GABRQ: variants seen among roughly 807,000 people sequenced by gnomAD.
The protein encoded by GABRQ is gamma-aminobutyric acid receptor subunit theta.
A neutral mutation model predicts 30.5 loss-of-function variants in GABRQ; 19 were observed. That is an observed-to-expected ratio of 0.62 (90% confidence interval 0.43 to 0.91). GABRQ has a LOEUF of 0.91. Ranked by LOEUF, GABRQ falls within the 40% of genes least tolerant of loss-of-function variation. GABRQ has a pLI of 0.00. For missense variants in GABRQ, 520 were observed against 521.4 expected (o/e 1.00, Z 0.03); for synonymous variants, 187 against 210.2 (o/e 0.89, Z 0.95).
Position 152,657,304 on chromosome X carries a change from A to G in GABRQ, c.*4023A>G. 1 of 111,752 alleles carries G rather than the reference A, an allele frequency of 8.9e-6. No homozygotes were observed. The highest frequency in any genetic ancestry group is 1.9e-5 in the Non-Finnish European group (1 of 53,166). 9.2% of individuals were successfully genotyped at this position (111,752 alleles called of 1,213,427 possible). A position where few individuals can be genotyped will look rare whatever the true frequency, so the allele number is the denominator to read the frequency against. On this transcript the variant is annotated 3_prime_UTR_variant, in exon 9 of 9. Coordinates refer to ENST00000598523, the MANE Select transcript of GABRQ (RefSeq NM_018558.4). Reference sequence around the variant, plus strand: ...AAAGAGGAGAAAGACCAAGACCTGGATGTCCTGGACGACCTGACCCAAAAA... The same window carrying G: ...AAAGAGGAGAAAGACCAAGACCTGGGTGTCCTGGACGACCTGACCCAAAAA...
At chrX:152,640,094 G>C (rs1163576561) in intron 1 of GABRQ, among the ~76,000 whole-genome samples, 1 of 110,551 alleles carries the variant, frequency 9.0e-6, no homozygotes, top group Non-Finnish European at 1.9e-5. Context: ...GCCTCCTCTC[G>C]TCAACCCCTA....
intron 2 of GABRQ, among the ~76,000 whole-genome samples, 174 bp from the exon 3 acceptor site, chrX:152,645,353 C>T (rs1429446102): frequency 1.8e-5 from 2 of 112,201 alleles, no homozygotes; most frequent in East Asian, 5.6e-4. Flanking sequence ...AGTGCTATCA[C>T]TATCCCCATT....
At chrX:152,651,404 A>G in intron 7 of GABRQ, 122 bp from the exon 8 acceptor site, 2 of 525,732 alleles carry the variant, frequency 3.8e-6, no homozygotes, top group Non-Finnish European at 6.5e-6. Flanking sequence ...AGGAATAAAG[A>G]GAGAGCCGAA....
At chrX:152,644,271 TAC>T (rs782585834) in intron 2 of GABRQ, among the ~76,000 whole-genome samples, 1 of 111,928 alleles carries the variant, frequency 8.9e-6, no homozygotes, top group African/African-American at 3.2e-5. Flanking sequence ...TGCTCACACA[TAC>T]ACACATAAAC....
downstream of GABRQ, chrX:152,657,583 T>G (rs1244716035): frequency 1.8e-5 from 2 of 112,038 alleles, no homozygotes; most frequent in Non-Finnish European, 3.8e-5. Context: ...TAGAAGATAT[T>G]GAGCAGGACA....
At chrX:152,646,481 C>T (rs1930889160) in intron 3 of GABRQ, among the ~76,000 whole-genome samples, 2 of 112,349 alleles carry the variant, frequency 1.8e-5, no homozygotes, top group South Asian at 7.3e-4. Flanking sequence ...TACACATGTC[C>T]ACCTGAGTGA....
intron 7 of GABRQ, 73 bp from the exon 8 acceptor site, chrX:152,651,453 G>A (rs1931017341): frequency 5.4e-6 from 5 of 919,216 alleles, no homozygotes; most frequent in Middle Eastern, 5.6e-4. Context: ...AAATATGTTT[G>A]GGTGGGGGCC....
intron 2 of GABRQ, among the ~76,000 whole-genome samples, chrX:152,644,656 A>T (rs1680732863): frequency 8.9e-6 from 1 of 111,846 alleles, no homozygotes; most frequent in Non-Finnish European, 1.9e-5. Flanking sequence ...TCACAAATCC[A>T]CTAACACATG....
chrX:152,641,379 G>A (rs782700994), intron 2 of GABRQ, among the ~76,000 whole-genome samples: 1 of 113,172 alleles, frequency 8.8e-6, no homozygotes, highest in East Asian at 2.8e-4. Context: ...CCACTCCAAA[G>A]GGTTAATGAA....
At chrX:152,642,715 T>C (rs1930788027) in intron 2 of GABRQ, among the ~76,000 whole-genome samples, 1 of 112,062 alleles carries the variant, frequency 8.9e-6, no homozygotes, top group Admixed American at 9.3e-5. Flanking sequence ...TTTGCCTGCC[T>C]TCCTGAGGGG....
chrX:152,651,593 C>T lies in GABRQ; in HGVS notation c.969C>T (p.Ser323=), dbSNP rs36080281. ...TGCGGGATAAGCTCCCCAACATTTC[C>T]TGTATCAAGGCCATTGATATCTATA... is the stretch of plus-strand genomic sequence containing the variant. The part of the protein sequence containing the change: ...SHLRDKLPNI[S]CIKAIDIYIL... Residue 323 remains serine (S), a synonymous_variant, in exon 8 of 9, where the codon TCC becomes TCT. Coordinates refer to ENST00000598523, the MANE Select transcript of GABRQ (RefSeq NM_018558.4). The T allele has an allele frequency of 5.8e-3, 6,959 of 1,204,563 alleles. 262 individuals carry two copies. The African/African-American group carries it at 0.1, about 18-fold the overall frequency.
chrX:152,641,932 A>G (rs1602815331), intron 2 of GABRQ, among the ~76,000 whole-genome samples: 1 of 111,770 alleles, frequency 8.9e-6, no homozygotes, highest in East Asian at 2.8e-4. Flanking sequence ...GAGTACACCA[A>G]TCACCTTCTC....
chrX:152,651,523 C>T lies in GABRQ; in HGVS notation c.902-3C>T. The stretch of plus-strand genomic sequence containing the variant: ...GACTAAGTCTGTACTGTGTTGCTTA[C>T]AGGCTTAACTTCAATGCTCATCCTG... On this transcript the variant is annotated splice_polypyrimidine_tract_variant and splice_region_variant and intron_variant, in intron 7 of 8. Coordinates refer to ENST00000598523, the MANE Select transcript of GABRQ (RefSeq NM_018558.4). 1 of 1,207,140 alleles carries T rather than the reference C, an allele frequency of 8.3e-7. No homozygotes were observed. The highest frequency in any genetic ancestry group is 1.1e-6 in the Non-Finnish European group (1 of 891,222).
In GABRQ at chrX:152,640,376, A is replaced by G. The variant is rs1556818189; in HGVS notation, c.150-2A>G. ...CATTTACTTATGACTTCTCTGTTTC[A>G]GCAAAAATTGTGCAAATGAAGCTGT... On this transcript the variant is annotated splice_acceptor_variant, in intron 1 of 8. Coordinates refer to ENST00000598523, the MANE Select transcript of GABRQ (RefSeq NM_018558.4). LOFTEE classifies it high-confidence loss of function. 2 of 1,186,912 alleles carry G rather than the reference A, an allele frequency of 1.7e-6. No homozygotes were observed. The highest frequency in any genetic ancestry group is 2.3e-6 in the Non-Finnish European group (2 of 872,528).
At chrX:152,647,894 GT>G (rs1285509980) in intron 4 of GABRQ, among the ~76,000 whole-genome samples, 1 of 112,060 alleles carries the variant, frequency 8.9e-6, no homozygotes, top group Admixed American at 9.4e-5. Context: ...AGTTACCAGG[GT>G]TTGGCTCTTA....
At chrX:152,645,662 C>A in intron 3 of GABRQ, 68 bp downstream of exon 3, 2 of 661,681 alleles carry the variant, frequency 3.0e-6, no homozygotes, top group Non-Finnish European at 5.0e-6. Flanking sequence ...GGCTTATAAT[C>A]CAAGTCCAGT....
rs782620668 is a variant in GABRQ, at chrX:152,649,231, C to T, written c.528-20C>T. The stretch of plus-strand genomic sequence containing the variant: ...CTAGGCTTCACTCACTTTCTCCTTC[C>T]TTTTTGTTTTCCTTTGCAGACTCAC... On this transcript the variant is annotated intron_variant, in intron 4 of 8. Coordinates refer to ENST00000598523, the MANE Select transcript of GABRQ (RefSeq NM_018558.4). The T allele has an allele frequency of 2.7e-5, 29 of 1,088,900 alleles. No homozygotes were observed. The Admixed American group carries it at 5.9e-4, about 22-fold the overall frequency. 89.7% of individuals were successfully genotyped at this position (1,088,900 alleles called of 1,213,427 possible).
rs1931105548 is a variant in GABRQ at position 152,654,354 on chromosome X, C to T, written c.*1073C>T. ...GACCCATTACATCACTGGAGCCTCA[C>T]AGGAGCCCTGTAAGCCAGGGAAGGC... On this transcript the variant is annotated 3_prime_UTR_variant, in exon 9 of 9. Coordinates refer to ENST00000598523, the MANE Select transcript of GABRQ (RefSeq NM_018558.4). 1.8e-5 allele frequency: 2 copies of T among 112,152 alleles called. No homozygotes were observed. Among genetic ancestry groups the T allele is most frequent in the African/African-American group, 6.5e-5 (2 of 30,847 alleles). 9.2% of individuals were successfully genotyped at this position (112,152 alleles called of 1,213,427 possible).
In GABRQ at chrX:152,650,414, T is replaced by C. The variant is rs1350576324; in HGVS notation, c.749-14T>C. 1.7e-6 allele frequency: 2 copies of C among 1,199,766 alleles called. No individual in the cohort carries two copies. The highest frequency in any genetic ancestry group is 2.2e-5 in the Admixed American group (1 of 45,124). ...CAGCCCTGCCACCCTAATTCCAGTG[T>C]GTCTCCTTGCCAGGTTCCTACATAC... On this transcript the variant is annotated splice_polypyrimidine_tract_variant and intron_variant, in intron 6 of 8. Coordinates refer to ENST00000598523, the MANE Select transcript of GABRQ (RefSeq NM_018558.4).
Sources: gnomAD v4.1 joint callset for allele counts (sites outside exome capture counted in the v4.1 genomes callset) on GRCh38, gnomAD v4.1.1 for gene constraint, MANE v1.5 for transcripts, NCBI Gene and HGNC (gene_info 2026-07-23, HGNC 2026-07-21) for gene names.